Variants in SERINC5 observed in about 807,000 individuals in gnomAD.
SERINC5 encodes serine incorporator 5, also known as chromosome 5 open reading frame 12.
SERINC5 carries 41 observed loss-of-function variants against 63.1 expected under a neutral mutation model. That is an observed-to-expected ratio of 0.65 (90% confidence interval 0.51 to 0.84). The LOEUF is 0.84. SERINC5 is among the 40% of genes least tolerant of loss of function. The probability of loss-of-function intolerance (pLI) is 0.00; values close to 1 mark genes in which losing one functional copy is unlikely to be tolerated. For missense variants in SERINC5, 523 were observed against 573.0 expected (o/e 0.91, Z 0.89); for synonymous variants, 222 against 215.2 (o/e 1.03, Z -0.28).
At chr5:80,183,206 A>G (rs1748568232) in intron 2 of SERINC5, among the ~76,000 whole-genome samples, 1 of 152,208 alleles carries the variant, frequency 6.6e-6, no homozygotes, top group Non-Finnish European at 1.5e-5. Flanking sequence ...AATTGGCAGG[A>G]GAGCACAGAT....
chr5:80,148,189 C>CTTTTTTTTTTTTTTTTTTTT (rs796769914), intron 9 of SERINC5, among the ~76,000 whole-genome samples: 4 of 102,334 alleles, frequency 3.9e-5, no homozygotes, highest in Admixed American at 1.1e-4. Flanking sequence ...ATTTTTTATT[C>CTTTTTTTTTTTTTTTTTTTT]TTTTTTTTTT....
intron 2 of SERINC5, among the ~76,000 whole-genome samples, chr5:80,202,393 G>T (rs2112489233): frequency 6.6e-6 from 1 of 152,160 alleles, no homozygotes. Context: ...GATTGTGATG[G>T]ACAATGATGT....
intron 7 of SERINC5, among the ~76,000 whole-genome samples, chr5:80,164,630 T>C (rs931038246): frequency 1.1e-4 from 16 of 152,060 alleles, no homozygotes; most frequent in African/African-American, 3.9e-4. Flanking sequence ...GCAATCTGCC[T>C]GCCTCAACCT....
intron 9 of SERINC5, among the ~76,000 whole-genome samples, chr5:80,149,881 A>C (rs910391593): frequency 6.6e-6 from 1 of 152,172 alleles, no homozygotes; most frequent in Non-Finnish European, 1.5e-5. Context: ...GGCTGCCTCC[A>C]TCTGATTAGA....
At chr5:80,154,051 A>T (rs1179052599) in intron 8 of SERINC5, among the ~76,000 whole-genome samples, 5 of 152,114 alleles carry the variant, frequency 3.3e-5, no homozygotes, top group Non-Finnish European at 7.4e-5. Flanking sequence ...CCCTTGACAG[A>T]TCCCGTGACT....
chr5:80,227,041 G>GC (rs1388915749), intron 1 of SERINC5, among the ~76,000 whole-genome samples: 6 of 151,830 alleles, frequency 4.0e-5, no homozygotes, highest in Non-Finnish European at 8.8e-5. Context: ...GATTATAGGT[G>GC]CCCCCCACCA....
At chr5:80,175,609 C>T (rs1350330888) in intron 4 of SERINC5, among the ~76,000 whole-genome samples, 1 of 152,072 alleles carries the variant, frequency 6.6e-6, no homozygotes, top group Non-Finnish European at 1.5e-5. Context: ...TGGCTCATGC[C>T]TGCAATCCTA....
In SERINC5 at chr5:80,175,947, AGAG is replaced by A. The variant is rs575679560; in HGVS notation, c.458-903_458-901del. Among the ~76,000 whole-genome samples the A allele has an allele frequency of 2.4e-3, 371 of 151,802 alleles. 2 individuals carry two copies. Among genetic ancestry groups the A allele is most frequent in the African/African-American group, 8.5e-3 (351 of 41,362 alleles). The stretch of plus-strand genomic sequence containing the variant: ...TAAATCCCAGCACTTTGGGAGGCCA[AGAG>A]GGGGCGGATCACAAGGTCAGGAGTT... On this transcript the variant is annotated intron_variant, in intron 4 of 11. Coordinates refer to ENST00000507668, the MANE Select transcript of SERINC5 (RefSeq NM_001174072.3).
chr5:80,219,392 CCTT>C (rs1473809307), intron 1 of SERINC5, among the ~76,000 whole-genome samples: 1 of 152,212 alleles, frequency 6.6e-6, no homozygotes, highest in Admixed American at 6.5e-5. Context: ...CTTCAGGAAA[CCTT>C]CTTTCCAGCT....
At chr5:80,255,784 C>T in intron 1 of SERINC5, 112 bp downstream of exon 1, 2 of 1,133,938 alleles carry the variant, frequency 1.8e-6, no homozygotes, top group Middle Eastern at 2.9e-4. Context: ...CCCACCCGGG[C>T]CCTACGTTCG....
chr5:80,251,729 C>CAA (rs559105559), intron 1 of SERINC5, among the ~76,000 whole-genome samples: 1,321 of 93,526 alleles, frequency 0.014, 32 homozygotes, highest in African/African-American at 0.048. Flanking sequence ...GACGCTGTCT[C>CAA]AAAAAAAAAA....
At chr5:80,233,344 T>C (rs907943258) in intron 1 of SERINC5, among the ~76,000 whole-genome samples, 5 of 152,132 alleles carry the variant, frequency 3.3e-5, no homozygotes, top group Admixed American at 3.3e-4. Context: ...GGAGAATCAC[T>C]TGAACCCGGG....
intron 5 of SERINC5, among the ~76,000 whole-genome samples, chr5:80,174,716 G>A (rs1451709648): frequency 6.6e-6 from 1 of 152,062 alleles, no homozygotes; most frequent in Non-Finnish European, 1.5e-5. Context: ...CGTACGAGCA[G>A]GGGATTGAGT....
chr5:80,243,048 C>G (rs1014163660), intron 1 of SERINC5, among the ~76,000 whole-genome samples: 3 of 152,342 alleles, frequency 2.0e-5, no homozygotes, highest in East Asian at 1.9e-4. Context: ...AGCCTTCTTC[C>G]TTGGCAATCC....
At chr5:80,128,957 C>G (rs1415834849) in intron 11 of SERINC5, 1 of 152,196 alleles carries the variant, frequency 6.6e-6, no homozygotes, top group Non-Finnish European at 1.5e-5. Context: ...ATGCTTAAAA[C>G]AGTCACTAAC....
intron 5 of SERINC5, among the ~76,000 whole-genome samples, chr5:80,171,706 C>A (rs1017985079): frequency 8.6e-5 from 13 of 151,504 alleles, no homozygotes; most frequent in African/African-American, 2.9e-4. Context: ...TCTACAAAAA[C>A]CAAAAACCAA....
Position 80,143,545 on chromosome 5 carries a change from C to A in SERINC5, c.*118G>T. On this transcript the variant is annotated 3_prime_UTR_variant, in exon 12 of 12. Coordinates refer to ENST00000507668, the MANE Select transcript of SERINC5 (RefSeq NM_001174072.3). ...TCAGGAGATTTTTTTTTTTCTCTCT[C>A]AAAGCTTTTTCAGACCCACTCAGGC... The A allele has an allele frequency of 7.4e-7, 1 of 1,358,548 alleles. No individual in the cohort carries two copies. The highest frequency in any genetic ancestry group is 9.5e-7 in the Non-Finnish European group (1 of 1,057,262). 84.2% of individuals were successfully genotyped at this position (1,358,548 alleles called of 1,614,324 possible).
Position 80,145,930 on chromosome 5 carries a change from A to C in SERINC5, c.1238+160T>G, listed in dbSNP as rs764896018. Among the ~76,000 whole-genome samples, 18 of 152,158 alleles carry C rather than the reference A, an allele frequency of 1.2e-4. No homozygotes were observed. The highest frequency in any genetic ancestry group is 1.8e-4 in the Non-Finnish European group (12 of 68,008). ...GAGGCTGAGGCACAAGAATCGCTTG[A>C]ACCTGGGAAGCAGAGGTTGCAGTGA... On this transcript the variant is annotated intron_variant, in intron 11 of 11. Transcript: ENST00000507668.
In SERINC5 at chr5:80,141,556, TA is replaced by T; in HGVS notation, c.*2106del. The T allele has an allele frequency of 1.0e-6, 1 of 985,408 alleles. No individual in the cohort carries two copies. The highest frequency in any genetic ancestry group is 1.2e-6 in the Non-Finnish European group (1 of 829,978). The allele number at this position is 985,408 out of a possible 1,614,324, so 61.0% of individuals were successfully genotyped here. On this transcript the variant is annotated 3_prime_UTR_variant, in exon 12 of 12. Coordinates refer to ENST00000507668, the MANE Select transcript of SERINC5 (RefSeq NM_001174072.3). Reference sequence around the variant, plus strand: ...CTCAGCAGGAGGAAAACAATGAAACTAGTCACAATACTGCCCAGGCTCTTTA... The same window carrying T: ...CTCAGCAGGAGGAAAACAATGAAACTGTCACAATACTGCCCAGGCTCTTTA...
Sources: allele counts gnomAD v4.1 joint callset (sites outside exome capture counted in the v4.1 genomes callset), GRCh38; gene constraint gnomAD v4.1.1; transcripts MANE v1.5; gene names NCBI Gene and HGNC (gene_info 2026-07-23, HGNC 2026-07-21).